AGAP1: variants seen among roughly 807,000 people sequenced by gnomAD.
AGAP1 encodes the protein ArfGAP with GTPase domain, ankyrin repeat and PH domain 1.
Under a neutral mutation model 105.3 loss-of-function variants are expected in AGAP1, and 29 were observed. The ratio of observed to expected loss-of-function variants is 0.28; its 90% CI spans 0.21 to 0.38. The LOEUF is 0.38. Ranked by LOEUF, AGAP1 falls within the 10% of genes least tolerant of loss-of-function variation. The pLI is 1.00. For synonymous variants in AGAP1, 509 were observed against 485.9 expected, an observed-to-expected ratio of 1.05 and a Z score of -0.63; for missense variants, 998 against 1,165.1, an observed-to-expected ratio of 0.86 and a Z score of 2.09.
intron 12 of AGAP1, among the ~76,000 whole-genome samples, chr2:235,935,343 A>G (rs1036587423): frequency 6.6e-6 from 1 of 152,218 alleles, no homozygotes; most frequent in African/African-American, 2.4e-5. Flanking sequence ...TTTTAAATGC[A>G]GAAACATATT....
At chr2:235,519,717 C>A (rs572805754) in intron 1 of AGAP1, among the ~76,000 whole-genome samples, 1 of 152,246 alleles carries the variant, frequency 6.6e-6, no homozygotes, top group South Asian at 2.1e-4. Context: ...CTCCTGTGTA[C>A]CCTCAACCAG....
chr2:236,003,045 A>G lies in AGAP1; in HGVS notation c.1646-33516A>G, dbSNP rs1252598213. On this transcript the variant is annotated intron_variant, in intron 13 of 17. Transcript: ENST00000304032. This position sits in a 1 kb window ranked among gnomAD's most constrained non-coding sequence, Gnocchi z 4.2. ...AAGTAAGTTAGAAAATTACTCACGT[A>G]TTCGCCCACTGTGTGCCAACAGAGT... is the stretch of plus-strand genomic sequence containing the variant. Among the ~76,000 whole-genome samples the G allele has an allele frequency of 6.6e-6, 1 of 152,036 alleles. No individual in the cohort carries two copies. Among genetic ancestry groups the G allele is most frequent in the East Asian group, 1.9e-4 (1 of 5,162 alleles).
chr2:235,720,687 T>C lies in AGAP1; in HGVS notation c.310+3043T>C. 2 of 985,432 alleles carry C rather than the reference T, an allele frequency of 2.0e-6. No homozygotes were observed. Among genetic ancestry groups the C allele is most frequent in the Non-Finnish European group, 2.4e-6 (2 of 829,908 alleles). The allele number at this position is 985,432 out of a possible 1,614,324, so 61.0% of individuals were successfully genotyped here. A position where few individuals can be genotyped will look rare whatever the true frequency, so the allele number is the denominator to read the frequency against. On this transcript the variant is annotated intron_variant, in intron 3 of 17. Transcript: ENST00000304032. This position sits in a 1 kb window ranked among gnomAD's most constrained non-coding sequence, Gnocchi z 5.0. ...TTCTCCCTGCGCTTCTTAATGTCTG[T>C]GCCCTGTTCTTCTGATTTAATTAGT...
chr2:235,681,409 G>A (rs535544199), intron 1 of AGAP1, among the ~76,000 whole-genome samples: 73 of 152,262 alleles, frequency 4.8e-4, no homozygotes, highest in African/African-American at 1.6e-3. Flanking sequence ...ATGCTAGAGC[G>A]GGAGAGGAGT....
intron 6 of AGAP1, chr2:235,774,418 T>C: frequency 2.1e-6 from 1 of 469,430 alleles, no homozygotes; most frequent in Non-Finnish European, 4.4e-6. Flanking sequence ...GTACTTCCCT[T>C]CCATCACGGC....
chr2:236,069,675 C>T (rs1319262024), intron 16 of AGAP1, among the ~76,000 whole-genome samples: 3 of 152,216 alleles, frequency 2.0e-5, no homozygotes, highest in African/African-American at 7.2e-5. Context: ...CTGCCCACCT[C>T]AGCCTCCCAA....
chr2:235,716,679 G>A lies in AGAP1; in HGVS notation c.223-878G>A, dbSNP rs970609157. On this transcript the variant is annotated intron_variant, in intron 2 of 17. Coordinates refer to ENST00000304032, the MANE Select transcript of AGAP1 (RefSeq NM_001037131.3). This position sits in a 1 kb window ranked among gnomAD's most constrained non-coding sequence, Gnocchi z 4.0. ...TTAAAATGCAGGAGATTTTTGATGA[G>A]CAGCTTCCCAGAGAAGGCGGCATGG... 6.6e-6 allele frequency among the ~76,000 whole-genome samples: 1 copy of A among 152,120 alleles called. No individual in the cohort carries two copies. The highest frequency in any genetic ancestry group is 2.4e-5 in the African/African-American group (1 of 41,426).
chr2:235,928,224 G>A lies in AGAP1; in HGVS notation c.1325-2541G>A, dbSNP rs531552711. Among the ~76,000 whole-genome samples, 10 of 152,318 alleles carry A rather than the reference G, an allele frequency of 6.6e-5. No individual in the cohort carries two copies. In the South Asian group the frequency reaches 8.3e-4, roughly 13 times the overall value. On this transcript the variant is annotated intron_variant, in intron 11 of 17. Coordinates refer to ENST00000304032, the MANE Select transcript of AGAP1 (RefSeq NM_001037131.3). Reference sequence around the variant, plus strand: ...AGCCTTTTGTCTGCTCAGAATTCACGTGATGAAAGCGGAACCAGGCCAGGG... The same window carrying A: ...AGCCTTTTGTCTGCTCAGAATTCACATGATGAAAGCGGAACCAGGCCAGGG...
intron 11 of AGAP1, among the ~76,000 whole-genome samples, chr2:235,915,606 C>G (rs553104088): frequency 6.6e-6 from 1 of 152,212 alleles, no homozygotes; most frequent in South Asian, 2.1e-4. Context: ...CCCAAGAGGT[C>G]AAGGCTGCAG....
chr2:235,885,993 G>A (rs1445275120), intron 10 of AGAP1, among the ~76,000 whole-genome samples: 2 of 152,066 alleles, frequency 1.3e-5, no homozygotes, highest in East Asian at 1.9e-4. Context: ...ATTCCATGAC[G>A]CCCACCTGGG....
At chr2:235,496,686 G>A (rs528321459) in intron 1 of AGAP1, among the ~76,000 whole-genome samples, 67 of 152,212 alleles carry the variant, frequency 4.4e-4, no homozygotes, top group African/African-American at 1.5e-3. Flanking sequence ...CTGAGCTCTG[G>A]GGCTCAAGCA....
rs138581063 is a variant in AGAP1, at chr2:236,084,829, G to A, written c.2115-35363G>A. 6.8e-4 allele frequency among the ~76,000 whole-genome samples: 104 copies of A among 151,968 alleles called. 1 individual carries two copies. The highest frequency in any genetic ancestry group is 2.4e-3 in the African/African-American group (98 of 41,408). On this transcript the variant is annotated intron_variant, in intron 16 of 17. Transcript: ENST00000304032. The stretch of plus-strand genomic sequence containing the variant: ...TGAGGTGGGAGAATCACTTGAACCC[G>A]GGAGGCAGAGGTTGCGTTGAGCCAA...
chr2:235,860,908 A>G (rs1270221533), intron 9 of AGAP1, among the ~76,000 whole-genome samples: 1 of 152,330 alleles, frequency 6.6e-6, no homozygotes, highest in South Asian at 2.1e-4. Context: ...CCATAAAACA[A>G]ATAGTACCAA....
intron 1 of AGAP1, among the ~76,000 whole-genome samples, chr2:235,588,406 A>G (rs1396123466): frequency 6.6e-6 from 1 of 152,016 alleles, no homozygotes; most frequent in Non-Finnish European, 1.5e-5. Flanking sequence ...CCATTTCTTT[A>G]ATGCCAACGC....
chr2:236,088,899 T>G (rs1434388846), intron 16 of AGAP1, among the ~76,000 whole-genome samples: 1 of 152,228 alleles, frequency 6.6e-6, no homozygotes, highest in Non-Finnish European at 1.5e-5. Context: ...GAAAGAATAG[T>G]TGCTTAACAG....
Position 235,625,056 on chromosome 2 carries a change from TA to T in AGAP1, c.164-84121del, listed in dbSNP as rs1342128193. 1.3e-5 allele frequency among the ~76,000 whole-genome samples: 2 copies of T among 152,182 alleles called. No homozygotes were observed. The highest frequency in any genetic ancestry group is 2.9e-5 in the Non-Finnish European group (2 of 68,040). ...CGTGTGCCAATTAAACTTCTTTTAT[TA>T]ATTACCCAGCCTCAGATATTCCTTT... On this transcript the variant is annotated intron_variant, in intron 1 of 17. Coordinates refer to ENST00000304032, the MANE Select transcript of AGAP1 (RefSeq NM_001037131.3). This position sits in a 1 kb window ranked among gnomAD's most constrained non-coding sequence, Gnocchi z 4.0.
At chr2:235,645,743 C>G (rs567795703) in intron 1 of AGAP1, among the ~76,000 whole-genome samples, 1 of 152,124 alleles carries the variant, frequency 6.6e-6, no homozygotes, top group African/African-American at 2.4e-5. Flanking sequence ...AGGAGAAAAC[C>G]GGCACAGAAA....
At position 235,737,180 on chromosome 2, in the gene AGAP1, G is replaced by C. The variant is rs1026204792; in HGVS notation, c.311-3783G>C. 6.6e-6 allele frequency among the ~76,000 whole-genome samples: 1 copy of C among 152,162 alleles called. No homozygotes were observed. The highest frequency in any genetic ancestry group is 2.4e-5 in the African/African-American group (1 of 41,424). On this transcript the variant is annotated intron_variant, in intron 3 of 17. Coordinates refer to ENST00000304032, the MANE Select transcript of AGAP1 (RefSeq NM_001037131.3). The surrounding 1 kb of genome is among the most constrained non-coding windows in gnomAD (Gnocchi z 4.5). Reference sequence around the variant, plus strand: ...CTTGCTTTCATACAACCTGGCTGCTGGAGCACCTGGCTGAATTTTATCTTA... The same window carrying C: ...CTTGCTTTCATACAACCTGGCTGCTCGAGCACCTGGCTGAATTTTATCTTA...
chr2:235,645,911 G>C (rs1051008540), intron 1 of AGAP1, among the ~76,000 whole-genome samples: 1 of 152,248 alleles, frequency 6.6e-6, no homozygotes, highest in Non-Finnish European at 1.5e-5. Context: ...ACAATTCTTT[G>C]CTCCATTGCT....
Sources: gnomAD v4.1 joint callset for allele counts (sites outside exome capture counted in the v4.1 genomes callset) on GRCh38, gnomAD v4.1.1 for gene constraint, Gnocchi (gnomAD v3.1) non-coding constraint, MANE v1.5 for transcripts, NCBI Gene and HGNC (gene_info 2026-07-23, HGNC 2026-07-21) for gene names.